The following AGBL4 variants were observed in gnomAD, a reference collection of about 807,000 sequenced individuals.
AGBL4 encodes the protein cytosolic carboxypeptidase 6.
AGBL4 carries 58 observed loss-of-function variants against 66.4 expected under a neutral mutation model. That is an observed-to-expected ratio of 0.87 (90% CI 0.71 to 1.09). The LOEUF is 1.09. Among genes scored for constraint, AGBL4 ranks in the 50% least tolerant of loss-of-function variants. The probability of loss-of-function intolerance (pLI) is 0.00; values close to 1 mark genes in which losing one functional copy is unlikely to be tolerated. For missense variants in AGBL4, 579 were observed against 631.0 expected, an observed-to-expected ratio of 0.92 and a Z score of 0.88; for synonymous variants, 234 against 222.9, an observed-to-expected ratio of 1.05 and a Z score of -0.44.
chr1:50,014,593 C>T (rs571983742), intron 1 of AGBL4, among the ~76,000 whole-genome samples: 1 of 129,918 alleles, frequency 7.7e-6, no homozygotes, highest in Admixed American at 9.1e-5. Flanking sequence ...GGTATAGTCT[C>T]AGCTCACTGC....
chr1:49,313,233 C>T (rs1364192218), intron 3 of AGBL4, among the ~76,000 whole-genome samples: 1 of 152,098 alleles, frequency 6.6e-6, no homozygotes, highest in Non-Finnish European at 1.5e-5. Flanking sequence ...CATAGTATTC[C>T]ATGGTGTATA....
chr1:49,858,845 G>C (rs541094836), intron 1 of AGBL4, among the ~76,000 whole-genome samples: 1 of 152,140 alleles, frequency 6.6e-6, no homozygotes, highest in East Asian at 1.9e-4. Context: ...ACAAAACCCT[G>C]TCTCCACTAA....
Position 48,533,890 on chromosome 1 carries a change from T to C in AGBL4, c.*283A>G, listed in dbSNP as rs1643928714. ...TCTCTTAAAAGGGATGTGTAGGTTTTCCTCATCTTGGAAGATCTCTATGTT... is the reference window on the plus strand; with the variant it reads ...TCTCTTAAAAGGGATGTGTAGGTTTCCCTCATCTTGGAAGATCTCTATGTT... On this transcript the variant is annotated 3_prime_UTR_variant, in exon 14 of 14. Transcript: ENST00000371839. 2 of 439,762 alleles carry C rather than the reference T, an allele frequency of 4.5e-6. No homozygotes were observed. Among genetic ancestry groups the C allele is most frequent in the Non-Finnish European group, 8.4e-6 (2 of 238,876 alleles). 27.2% of individuals were successfully genotyped at this position (439,762 alleles called of 1,614,324 possible).
rs373155417 is a variant in AGBL4 at position 49,327,612 on chromosome 1, T to C, written c.283-81748A>G. Among the ~76,000 whole-genome samples, 11 of 152,186 alleles carry C rather than the reference T, an allele frequency of 7.2e-5. No homozygotes were observed. In the East Asian group the frequency reaches 2.1e-3, roughly 29 times the overall value. On this transcript the variant is annotated intron_variant, in intron 3 of 13. Coordinates refer to ENST00000371839, the MANE Select transcript of AGBL4 (RefSeq NM_032785.4). ...AGGGGAGTAAGGCTATGTCTTCACA[T>C]AGTGGAACAGACAGAAAAGCAAGGT...
intron 4 of AGBL4, among the ~76,000 whole-genome samples, chr1:49,098,128 G>A (rs1645139769): frequency 6.6e-6 from 1 of 152,140 alleles, no homozygotes. Context: ...ACTTACTGTG[G>A]TATAACAAAT....
At chr1:48,566,224 C>A (rs1283131704) in intron 11 of AGBL4, among the ~76,000 whole-genome samples, 2 of 152,196 alleles carry the variant, frequency 1.3e-5, no homozygotes, top group African/African-American at 4.8e-5. Context: ...CCAATTTCTT[C>A]ACATGCTCAG....
intron 3 of AGBL4, among the ~76,000 whole-genome samples, chr1:49,490,822 A>G (rs1271449290): frequency 6.6e-6 from 1 of 151,772 alleles, no homozygotes; most frequent in Non-Finnish European, 1.5e-5. Flanking sequence ...TTAACATGCT[A>G]TAACTGGAAA....
intron 3 of AGBL4, among the ~76,000 whole-genome samples, chr1:49,533,935 G>C (rs547371468): frequency 6.6e-6 from 1 of 152,140 alleles, no homozygotes; most frequent in East Asian, 1.9e-4. Flanking sequence ...GCATAGATTT[G>C]GGAATGAGTT....
chr1:49,444,228 A>G (rs970969983), intron 3 of AGBL4, among the ~76,000 whole-genome samples: 4 of 151,996 alleles, frequency 2.6e-5, no homozygotes, highest in African/African-American at 9.7e-5. Flanking sequence ...AATAATGTAT[A>G]TTCTGTAGTT....
intron 6 of AGBL4, among the ~76,000 whole-genome samples, chr1:48,671,240 C>T (rs1646272074): frequency 6.6e-6 from 1 of 152,250 alleles, no homozygotes; most frequent in African/African-American, 2.4e-5. Context: ...GGCTCAAGAT[C>T]TGAGGTTTCA....
At chr1:49,486,531 C>T (rs573574212) in intron 3 of AGBL4, among the ~76,000 whole-genome samples, 1 of 152,060 alleles carries the variant, frequency 6.6e-6, no homozygotes, top group South Asian at 2.1e-4. Context: ...CCTTAGCTCT[C>T]CTCATCCAGT....
At chr1:49,984,457 C>T (rs753923898) in intron 1 of AGBL4, among the ~76,000 whole-genome samples, 19 of 152,178 alleles carry the variant, frequency 1.2e-4, no homozygotes, top group East Asian at 3.8e-4. Context: ...ATGTAACATA[C>T]GTGTTTGTTC....
chr1:48,726,333 C>T (rs1316791821), intron 6 of AGBL4, among the ~76,000 whole-genome samples: 2 of 152,152 alleles, frequency 1.3e-5, no homozygotes, highest in East Asian at 1.9e-4. Context: ...AGGGGATGAG[C>T]TCAACAATGA....
downstream of AGBL4, among the ~76,000 whole-genome samples, chr1:48,530,672 A>G (rs543559157): frequency 6.6e-6 from 1 of 152,298 alleles, no homozygotes; most frequent in African/African-American, 2.4e-5. Flanking sequence ...TTGAGGGTAA[A>G]CAGACTTTTA....
At chr1:49,728,731 T>G (rs1394091978) in intron 2 of AGBL4, among the ~76,000 whole-genome samples, 1 of 152,180 alleles carries the variant, frequency 6.6e-6, no homozygotes, top group Non-Finnish European at 1.5e-5. Flanking sequence ...GTTCTGCTCC[T>G]AGTAAGAAGC....
At chr1:49,354,525 T>A (rs1406647383) in intron 3 of AGBL4, among the ~76,000 whole-genome samples, 2 of 151,540 alleles carry the variant, frequency 1.3e-5, no homozygotes, top group East Asian at 2.0e-4. Context: ...CTTCTTCTTC[T>A]CTATCTACAC....
At chr1:49,339,106 G>A (rs1311985880) in intron 3 of AGBL4, among the ~76,000 whole-genome samples, 1 of 152,060 alleles carries the variant, frequency 6.6e-6, no homozygotes, top group East Asian at 1.9e-4. Context: ...ATGGCCAAGA[G>A]ACACCCCTCC....
At chr1:48,702,031 T>C (rs1275962851) in intron 6 of AGBL4, among the ~76,000 whole-genome samples, 4 of 152,204 alleles carry the variant, frequency 2.6e-5, no homozygotes, top group African/African-American at 9.6e-5. Context: ...ACAATAGTCA[T>C]ATGAATTGTC....
At chr1:49,316,129 T>C (rs1275999843) in intron 3 of AGBL4, among the ~76,000 whole-genome samples, 2 of 151,890 alleles carry the variant, frequency 1.3e-5, no homozygotes, top group Non-Finnish European at 2.9e-5. Context: ...GACGAATAGG[T>C]GGAGCATAGG....
Sources: allele counts gnomAD v4.1 joint callset (sites outside exome capture counted in the v4.1 genomes callset), GRCh38; gene constraint gnomAD v4.1.1; transcripts MANE v1.5; gene names NCBI Gene and HGNC (gene_info 2026-07-23, HGNC 2026-07-21).